FHIT: variants seen among roughly 807,000 people sequenced by gnomAD.
The protein encoded by FHIT is fragile histidine triad diadenosine triphosphatase.
Under a neutral mutation model 17.9 loss-of-function variants are expected in FHIT, and 19 were observed. The ratio of observed to expected loss-of-function variants is 1.06; its 90% CI spans 0.74 to 1.56. The LOEUF (loss-of-function observed/expected upper bound fraction) is 1.56, where lower values mean the gene tolerates loss of function less well. FHIT is among the 40% of genes most tolerant of loss of function. The pLI is 0.00. For synonymous variants in FHIT, 81 were observed against 69.7 expected, an observed-to-expected ratio of 1.16 and a Z score of -0.81; for missense variants, 248 against 189.2, an observed-to-expected ratio of 1.31 and a Z score of -1.82.
At chr3:60,807,511 C>T (rs1701438041) in intron 4 of FHIT, among the ~76,000 whole-genome samples, 1 of 152,094 alleles carries the variant, frequency 6.6e-6, no homozygotes, top group African/African-American at 2.4e-5. Context: ...ACGCCAGAGC[C>T]CGGGAGGTAG....
chr3:61,140,100 T>C (rs1304339833), intron 2 of FHIT, among the ~76,000 whole-genome samples: 1 of 151,826 alleles, frequency 6.6e-6, no homozygotes, highest in Non-Finnish European at 1.5e-5. Flanking sequence ...CAGCCAGCCC[T>C]AGGTCAAGAA....
chr3:60,574,378 T>C (rs1238700873), intron 4 of FHIT, among the ~76,000 whole-genome samples: 2 of 150,840 alleles, frequency 1.3e-5, no homozygotes, highest in Non-Finnish European at 2.9e-5. Flanking sequence ...TTTTTTTTTT[T>C]AACCTTAGCT....
chr3:60,239,842 G>C (rs1460577656), intron 5 of FHIT, among the ~76,000 whole-genome samples: 1 of 152,162 alleles, frequency 6.6e-6, no homozygotes, highest in East Asian at 1.9e-4. Flanking sequence ...AAGAAGGGAA[G>C]TCAAATCTAT....
intron 2 of FHIT, among the ~76,000 whole-genome samples, chr3:61,178,264 G>A (rs146294136): frequency 1.5e-4 from 23 of 152,086 alleles, no homozygotes; most frequent in African/African-American, 5.5e-4. Context: ...TTGATGAGAG[G>A]TGCTACTCTC....
At chr3:60,432,236 A>G (rs956681055) in intron 5 of FHIT, among the ~76,000 whole-genome samples, 9 of 152,046 alleles carry the variant, frequency 5.9e-5, no homozygotes, top group Non-Finnish European at 1.2e-4. Flanking sequence ...TTGGCCTCCC[A>G]AAGTACTGGG....
intron 3 of FHIT, among the ~76,000 whole-genome samples, chr3:61,032,242 AAGTTTC>A (rs537555274): frequency 1.1e-3 from 173 of 152,266 alleles, no homozygotes; most frequent in African/African-American, 3.9e-3. Context: ...ATGAAACTTA[AAGTTTC>A]AGTTTTAACC....
At chr3:60,216,186 A>G (rs1460934463) in intron 5 of FHIT, among the ~76,000 whole-genome samples, 1 of 152,202 alleles carries the variant, frequency 6.6e-6, no homozygotes. Flanking sequence ...ACTGCATACT[A>G]CATTAGGTTT....
chr3:60,935,503 A>C (rs9830059), intron 3 of FHIT, among the ~76,000 whole-genome samples: 1 of 152,198 alleles, frequency 6.6e-6, no homozygotes, highest in Non-Finnish European at 1.5e-5. Context: ...AAGAGAATAC[A>C]CAGGGAAATA....
chr3:60,721,959 A>T (rs1205275031), intron 4 of FHIT, among the ~76,000 whole-genome samples: 1 of 152,194 alleles, frequency 6.6e-6, no homozygotes, highest in Non-Finnish European at 1.5e-5. Flanking sequence ...ATGGTGTTAG[A>T]CATACCAGTT....
intron 5 of FHIT, among the ~76,000 whole-genome samples, chr3:60,382,164 T>C (rs1700824828): frequency 6.6e-6 from 1 of 152,192 alleles, no homozygotes; most frequent in South Asian, 2.1e-4. Context: ...CATGTACACC[T>C]ACTTAATTTT....
chr3:60,770,325 C>T (rs572946381), intron 4 of FHIT, among the ~76,000 whole-genome samples: 17 of 151,780 alleles, frequency 1.1e-4, no homozygotes, highest in Non-Finnish European at 2.1e-4. Flanking sequence ...GGGATCAGAG[C>T]GAAATTTGTC....
chr3:60,503,085 G>C (rs547756782), intron 5 of FHIT, among the ~76,000 whole-genome samples: 2 of 152,250 alleles, frequency 1.3e-5, no homozygotes, highest in Non-Finnish European at 2.9e-5. Context: ...AAAAACATGT[G>C]ATCAGTTCTA....
intron 8 of FHIT, among the ~76,000 whole-genome samples, chr3:59,838,087 C>G (rs1701402408): frequency 6.6e-6 from 1 of 152,148 alleles, no homozygotes; most frequent in Non-Finnish European, 1.5e-5. Flanking sequence ...TCTCCACAGT[C>G]ATTCACTCTC....
chr3:60,778,702 T>C (rs1228053214), intron 4 of FHIT, among the ~76,000 whole-genome samples: 7 of 115,606 alleles, frequency 6.1e-5, no homozygotes, highest in East Asian at 2.6e-4. Context: ...TATGGCAATA[T>C]AGTTGTTTGC....
chr3:60,538,705 T>C (rs1456617043), intron 4 of FHIT, among the ~76,000 whole-genome samples: 1 of 152,192 alleles, frequency 6.6e-6, no homozygotes, highest in Non-Finnish European at 1.5e-5. Flanking sequence ...ATTCCTTATT[T>C]AACAAATGGT....
chr3:60,355,807 C>G (rs544847084), intron 5 of FHIT, among the ~76,000 whole-genome samples: 12 of 152,252 alleles, frequency 7.9e-5, no homozygotes, highest in South Asian at 6.2e-4. Flanking sequence ...TGTTGTAATT[C>G]ACAGGTGTAC....
At chr3:60,580,273 C>G (rs1272012390) in intron 4 of FHIT, among the ~76,000 whole-genome samples, 1 of 152,090 alleles carries the variant, frequency 6.6e-6, no homozygotes, top group Non-Finnish European at 1.5e-5. Flanking sequence ...ACGTTAATGA[C>G]AACTTCACTC....
intron 1 of FHIT, among the ~76,000 whole-genome samples, chr3:61,223,008 T>C (rs2039879135): frequency 6.6e-6 from 1 of 152,222 alleles, no homozygotes; most frequent in Non-Finnish European, 1.5e-5. Context: ...ACAGATACAA[T>C]GAAAATTGTG....
intron 7 of FHIT, among the ~76,000 whole-genome samples, chr3:59,956,757 T>C (rs576022625): frequency 2.6e-5 from 4 of 152,182 alleles, no homozygotes; most frequent in African/African-American, 4.8e-5. Flanking sequence ...CCACCTCACA[T>C]AGTGGTGAAT....
Sources: gnomAD v4.1 joint callset for allele counts (sites outside exome capture counted in the v4.1 genomes callset) on GRCh38, gnomAD v4.1.1 for gene constraint, MANE v1.5 for transcripts, NCBI Gene and HGNC (gene_info 2026-07-23, HGNC 2026-07-21) for gene names.